Variants in MACROD2 observed in about 807,000 individuals in gnomAD.
The protein encoded by MACROD2 is ADP-ribose glycohydrolase MACROD2.
MACROD2 carries 36 observed loss-of-function variants against 70.4 expected under a neutral mutation model. The observed-to-expected ratio is 0.51, with a 90% confidence interval of 0.39 to 0.68. The LOEUF (loss-of-function observed/expected upper bound fraction) is 0.68. MACROD2 is among the 30% of genes least tolerant of loss of function. The pLI is 0.00. For synonymous variants in MACROD2, 172 were observed against 178.8 expected, an observed-to-expected ratio of 0.96 and a Z score of 0.30; for missense variants, 496 against 538.4, an observed-to-expected ratio of 0.92 and a Z score of 0.78.
chr20:15,509,642 G>T (rs1173075186), intron 8 of MACROD2, among the ~76,000 whole-genome samples: 1 of 152,180 alleles, frequency 6.6e-6, no homozygotes, highest in Non-Finnish European at 1.5e-5. Flanking sequence ...AAGTAGAGTG[G>T]TAAGAGGTAG....
At chr20:14,062,935 C>G (rs971804350) in intron 2 of MACROD2, among the ~76,000 whole-genome samples, 1 of 152,144 alleles carries the variant, frequency 6.6e-6, no homozygotes, top group Admixed American at 6.5e-5. Flanking sequence ...AACATTACCT[C>G]TTATAGTCTG....
chr20:14,042,700 G>A (rs937861273), intron 2 of MACROD2, among the ~76,000 whole-genome samples: 4 of 151,978 alleles, frequency 2.6e-5, no homozygotes, highest in African/African-American at 9.7e-5. Context: ...GGGTTTCACC[G>A]TGTTGGCCAG....
intron 3 of MACROD2, among the ~76,000 whole-genome samples, chr20:14,162,671 A>G (rs886579236): frequency 3.9e-5 from 6 of 151,968 alleles, no homozygotes; most frequent in African/African-American, 1.2e-4. Flanking sequence ...TTATCTAAGT[A>G]TAGCTACTCC....
rs559975779 is a variant in MACROD2, at chr20:15,160,406, C to T, written c.419-69534C>T. On this transcript the variant is annotated intron_variant, in intron 5 of 17. Transcript: ENST00000684519. ...TGTAGAAACCACTCTATTGCAATTT[C>T]GGCAACTTTTCAAGTTTGATTTATT... Among the ~76,000 whole-genome samples, 219 of 152,232 alleles carry T rather than the reference C, an allele frequency of 1.4e-3. 1 individual carries two copies. Among genetic ancestry groups the T allele is most frequent in the Non-Finnish European group, 2.1e-3 (146 of 67,986 alleles).
At chr20:15,406,860 G>A (rs1233009879) in intron 6 of MACROD2, among the ~76,000 whole-genome samples, 1 of 152,186 alleles carries the variant, frequency 6.6e-6, no homozygotes, top group Admixed American at 6.5e-5. Context: ...CATGCGACGT[G>A]TCGAGTCTTG....
At chr20:15,016,148 A>C (rs1260511378) in intron 5 of MACROD2, among the ~76,000 whole-genome samples, 1 of 152,192 alleles carries the variant, frequency 6.6e-6, no homozygotes, top group African/African-American at 2.4e-5. Context: ...CAACAAGGAC[A>C]GTTCACTTTC....
chr20:14,181,994 G>A (rs995341451), intron 3 of MACROD2, among the ~76,000 whole-genome samples: 3 of 152,048 alleles, frequency 2.0e-5, no homozygotes, highest in Non-Finnish European at 4.4e-5. Flanking sequence ...AGTTCTCTTG[G>A]TTAGATACCC....
At chr20:15,758,785 C>T (rs2051388711) in intron 8 of MACROD2, among the ~76,000 whole-genome samples, 1 of 151,898 alleles carries the variant, frequency 6.6e-6, no homozygotes, top group Non-Finnish European at 1.5e-5. Flanking sequence ...TTAAGTGATC[C>T]TCCTGTCTCG....
intron 8 of MACROD2, among the ~76,000 whole-genome samples, chr20:15,733,864 C>G (rs1417431004): frequency 6.6e-6 from 1 of 152,160 alleles, no homozygotes; most frequent in Non-Finnish European, 1.5e-5. Context: ...CACTGGAGAG[C>G]CAGAGATAGA....
At chr20:15,851,239 C>G (rs1032455428) in intron 8 of MACROD2, among the ~76,000 whole-genome samples, 2 of 151,472 alleles carry the variant, frequency 1.3e-5, no homozygotes, top group African/African-American at 4.9e-5. Context: ...GAACTGTGAT[C>G]CGGTCACAGC....
At chr20:14,389,986 TATCTCAAAAGC>T (rs1410971289) in intron 3 of MACROD2, among the ~76,000 whole-genome samples, 1 of 152,184 alleles carries the variant, frequency 6.6e-6, no homozygotes, top group East Asian at 1.9e-4. Flanking sequence ...CATGATCTTC[TATCTCAAAAGC>T]ATCATAGTCT....
chr20:14,873,415 G>T (rs541653271), intron 5 of MACROD2, among the ~76,000 whole-genome samples: 76 of 152,230 alleles, frequency 5.0e-4, no homozygotes, highest in Middle Eastern at 3.4e-3. Context: ...GATGTAGCTT[G>T]ATCTTTGAGG....
intron 3 of MACROD2, among the ~76,000 whole-genome samples, chr20:14,241,064 C>T (rs536872731): frequency 3.6e-4 from 54 of 151,894 alleles, no homozygotes; most frequent in African/African-American, 1.2e-3. Flanking sequence ...TGCAGTGAGC[C>T]GAGATTGCAT....
intron 9 of MACROD2, 52 bp downstream of exon 9, chr20:15,862,878 A>C: frequency 5.3e-6 from 7 of 1,329,264 alleles, no homozygotes; most frequent in Non-Finnish European, 7.5e-6. Flanking sequence ...GAAGAAGTGG[A>C]GCCGTCACTT....
At chr20:14,327,303 G>A (rs777736282) in intron 3 of MACROD2, 1 of 1,613,674 alleles carries the variant, frequency 6.2e-7, no homozygotes. Context: ...TATTTATTTG[G>A]TTGTTCTGAA....
At chr20:15,215,353 C>G (rs904252313) in intron 5 of MACROD2, among the ~76,000 whole-genome samples, 1 of 143,810 alleles carries the variant, frequency 7.0e-6, no homozygotes, top group Non-Finnish European at 1.5e-5. Flanking sequence ...AAAATCCTAC[C>G]TTTTAACCTT....
chr20:15,694,652 T>C (rs2050342261), intron 8 of MACROD2, among the ~76,000 whole-genome samples: 1 of 152,214 alleles, frequency 6.6e-6, no homozygotes, highest in African/African-American at 2.4e-5. Context: ...GAAGTTTTTC[T>C]CCCACTCTGT....
intron 3 of MACROD2, among the ~76,000 whole-genome samples, chr20:14,152,840 C>T (rs2055043948): frequency 6.6e-6 from 1 of 152,128 alleles, no homozygotes; most frequent in Non-Finnish European, 1.5e-5. Flanking sequence ...GTTGGTAAAA[C>T]ATTTTCATGG....
At chr20:15,202,229 T>A (rs1304293364) in intron 5 of MACROD2, among the ~76,000 whole-genome samples, 1 of 152,238 alleles carries the variant, frequency 6.6e-6, no homozygotes, top group African/African-American at 2.4e-5. Context: ...GATAATGATA[T>A]ACCCTCTGGT....
Sources: gnomAD v4.1 joint callset for allele counts (sites outside exome capture counted in the v4.1 genomes callset) on GRCh38, gnomAD v4.1.1 for gene constraint, MANE v1.5 for transcripts, NCBI Gene and HGNC (gene_info 2026-07-23, HGNC 2026-07-21) for gene names.